SLC35F4: variants seen among roughly 807,000 people sequenced by gnomAD.
SLC35F4 encodes solute carrier family 35 member F4.
Under a neutral mutation model 44.2 loss-of-function variants are expected in SLC35F4, and 24 were observed. The ratio of observed to expected loss-of-function variants is 0.54; its 90% CI spans 0.39 to 0.76. The LOEUF is 0.76. Ranked by LOEUF, SLC35F4 falls within the 30% of genes least tolerant of loss-of-function variation. The probability of loss-of-function intolerance (pLI) is 0.00; values close to 1 mark genes in which losing one functional copy is unlikely to be tolerated. For synonymous variants in SLC35F4, 238 were observed against 223.6 expected (o/e 1.06, Z -0.57); for missense variants, 562 against 586.1 (o/e 0.96, Z 0.42).
chr14:57,780,250 A>G (rs568064445), intron 1 of SLC35F4, among the ~76,000 whole-genome samples: 25 of 152,174 alleles, frequency 1.6e-4, no homozygotes, highest in Non-Finnish European at 8.8e-5. Context: ...AGGATACAAA[A>G]TCAATGTACA....
chr14:57,967,416 T>C (rs573886224), intron 1 of SLC35F4, among the ~76,000 whole-genome samples: 3 of 152,344 alleles, frequency 2.0e-5, no homozygotes, highest in Admixed American at 2.0e-4. Flanking sequence ...GTTACATGCA[T>C]GTGTCCATGA....
chr14:57,716,505 CTG>C (rs1161151250), intron 1 of SLC35F4, among the ~76,000 whole-genome samples: 1 of 152,122 alleles, frequency 6.6e-6, no homozygotes, highest in African/African-American at 2.4e-5. Flanking sequence ...AGATGATTCA[CTG>C]TTTTAATTTT....
At chr14:57,780,340 A>T (rs925671166) in intron 1 of SLC35F4, among the ~76,000 whole-genome samples, 8 of 152,156 alleles carry the variant, frequency 5.3e-5, no homozygotes, top group Non-Finnish European at 1.0e-4. Flanking sequence ...CACAATTGCC[A>T]CAAAAAGAAT....
intron 1 of SLC35F4, among the ~76,000 whole-genome samples, chr14:57,651,717 A>AGTGT: frequency 6.6e-6 from 1 of 151,908 alleles, no homozygotes; most frequent in East Asian, 1.9e-4. Flanking sequence ...TCTGTGAGTG[A>AGTGT]GTGTGTGTGT....
chr14:57,643,492 C>T (rs547045598), intron 1 of SLC35F4, among the ~76,000 whole-genome samples: 41 of 152,144 alleles, frequency 2.7e-4, no homozygotes, highest in African/African-American at 8.4e-4. Flanking sequence ...AATTATCACC[C>T]GATTTACAGG....
At chr14:57,840,813 C>T (rs1297280247) in intron 1 of SLC35F4, among the ~76,000 whole-genome samples, 3 of 152,102 alleles carry the variant, frequency 2.0e-5, no homozygotes, top group African/African-American at 4.8e-5. Flanking sequence ...TCCTTTCTTA[C>T]GTATACATTT....
Position 57,736,387 on chromosome 14 carries a change from T to G in SLC35F4, c.103+129336A>C, listed in dbSNP as rs552613335. ...AATCCAAAAAACAATTTCAGTAACT[T>G]ACAATACCAGCTGTGATATGTATTT... is the stretch of plus-strand genomic sequence containing the variant. On this transcript the variant is annotated intron_variant, in intron 1 of 7. Transcript: ENST00000556826. Among the ~76,000 whole-genome samples, 6 of 152,292 alleles carry G rather than the reference T, an allele frequency of 3.9e-5. 1 individual carries two copies. The highest frequency in any genetic ancestry group is 1.4e-4 in the African/African-American group (6 of 41,562).
intron 1 of SLC35F4, among the ~76,000 whole-genome samples, chr14:57,765,071 G>A (rs2077204355): frequency 6.6e-6 from 1 of 152,098 alleles, no homozygotes; most frequent in South Asian, 2.1e-4. Flanking sequence ...AACAGACTAT[G>A]TCCCCGAACT....
At chr14:57,606,101 C>G (rs2071148296) in intron 1 of SLC35F4, among the ~76,000 whole-genome samples, 1 of 152,072 alleles carries the variant, frequency 6.6e-6, no homozygotes, top group Non-Finnish European at 1.5e-5. Flanking sequence ...ACATGTATCC[C>G]CTGATTCTAA....
At chr14:57,638,008 G>A (rs1419939995) in intron 1 of SLC35F4, among the ~76,000 whole-genome samples, 2 of 152,126 alleles carry the variant, frequency 1.3e-5, no homozygotes, top group East Asian at 3.9e-4. Context: ...AATTATAAAC[G>A]AGACCTACGG....
intron 1 of SLC35F4, among the ~76,000 whole-genome samples, chr14:57,943,216 T>C (rs971994502): frequency 6.6e-6 from 1 of 152,216 alleles, no homozygotes; most frequent in Non-Finnish European, 1.5e-5. Flanking sequence ...CCAGTGGTTT[T>C]TGCACAGAAT....
chr14:57,564,527 C>T (rs2068110164), intron 7 of SLC35F4, among the ~76,000 whole-genome samples, 151 bp from the exon 8 acceptor site: 1 of 152,180 alleles, frequency 6.6e-6, no homozygotes, highest in Non-Finnish European at 1.5e-5. Context: ...GCTAGGTTTG[C>T]TTTCCACTGC....
chr14:57,630,192 G>C (rs551432844), intron 1 of SLC35F4: 1 of 562,380 alleles, frequency 1.8e-6, no homozygotes, highest in Non-Finnish European at 3.6e-6. Flanking sequence ...TCAGATGAAA[G>C]CCAAGGAAGG....
chr14:57,606,843 A>G (rs1366268136), intron 1 of SLC35F4, among the ~76,000 whole-genome samples: 1 of 152,212 alleles, frequency 6.6e-6, no homozygotes, highest in Non-Finnish European at 1.5e-5. Flanking sequence ...ATAATCCATT[A>G]TAGTTCAAAA....
chr14:57,867,410 T>A (rs1300849865), upstream of SLC35F4, among the ~76,000 whole-genome samples: 1 of 152,160 alleles, frequency 6.6e-6, no homozygotes, highest in African/African-American at 2.4e-5. Flanking sequence ...GTGGAGTCAA[T>A]CTGAGATTAT....
At chr14:57,772,063 C>T (rs1595017526) in intron 1 of SLC35F4, among the ~76,000 whole-genome samples, 1 of 152,114 alleles carries the variant, frequency 6.6e-6, no homozygotes, top group Non-Finnish European at 1.5e-5. Context: ...AACTACACAT[C>T]GAAATAGGAA....
intron 1 of SLC35F4, among the ~76,000 whole-genome samples, chr14:57,720,528 T>C (rs1338700418): frequency 6.6e-6 from 1 of 152,196 alleles, no homozygotes; most frequent in Non-Finnish European, 1.5e-5. Flanking sequence ...TGGTATAAGG[T>C]TCTGGATTTC....
intron 1 of SLC35F4, among the ~76,000 whole-genome samples, chr14:57,934,870 G>A (rs986055215): frequency 6.6e-6 from 1 of 152,132 alleles, no homozygotes; most frequent in South Asian, 2.1e-4. Flanking sequence ...GAAGAATGAG[G>A]GAGGATCAGC....
At chr14:57,706,044 A>G (rs752719293) in intron 1 of SLC35F4, among the ~76,000 whole-genome samples, 6 of 152,178 alleles carry the variant, frequency 3.9e-5, no homozygotes, top group Non-Finnish European at 5.9e-5. Flanking sequence ...GCCTACTGCA[A>G]TGAGTCTTTG....
Sources: gnomAD v4.1 joint callset for allele counts (sites outside exome capture counted in the v4.1 genomes callset) on GRCh38, gnomAD v4.1.1 for gene constraint, MANE v1.5 for transcripts, NCBI Gene and HGNC (gene_info 2026-07-23, HGNC 2026-07-21) for gene names.